FLT4: variants seen among roughly 807,000 people sequenced by gnomAD.
The protein encoded by FLT4 is fms related receptor tyrosine kinase 4.
A neutral mutation model predicts 163.2 loss-of-function variants in FLT4; 30 were observed. The ratio of observed to expected loss-of-function variants is 0.18; its 90% confidence interval spans 0.14 to 0.25. FLT4 has a LOEUF of 0.25. FLT4 is among the 10% of genes least tolerant of loss of function. The pLI is 1.00. For missense variants in FLT4, 1,510 were observed against 1,863.8 expected, an observed-to-expected ratio of 0.81 and a Z score of 3.50; for synonymous variants, 884 against 789.5, an observed-to-expected ratio of 1.12 and a Z score of -2.01.
intron 23 of FLT4, among the ~76,000 whole-genome samples, chr5:180,614,707 C>T (rs1762503012): frequency 1.0e-5 from 1 of 97,090 alleles, no homozygotes; most frequent in South Asian, 3.2e-4. Context: ...CTGGACTGGC[C>T]TCTACCTCCA....
chr5:180,618,610 T>A (rs561000494), intron 21 of FLT4, among the ~76,000 whole-genome samples, 160 bp downstream of exon 21: 1 of 152,306 alleles, frequency 6.6e-6, no homozygotes, highest in South Asian at 2.1e-4. Context: ...AAAACATCTG[T>A]GTGAAAATTG....
intron 1 of FLT4, among the ~76,000 whole-genome samples, chr5:180,642,899 T>C (rs1422783620): frequency 6.6e-6 from 1 of 152,238 alleles, no homozygotes; most frequent in East Asian, 1.9e-4. Flanking sequence ...CACCGAGCAC[T>C]GTCCATGTGA....
At position 180,649,449 on chromosome 5, in the gene FLT4, G is replaced by C. The variant is rs2127879207; in HGVS notation, c.58+39C>G. ...GTGCGCGGTACCCCCTCCCCGGCCAGCCCCACGCTCGGGCGGGTGGCCCGT... is the reference window on the plus strand; with the variant it reads ...GTGCGCGGTACCCCCTCCCCGGCCACCCCCACGCTCGGGCGGGTGGCCCGT... On this transcript the variant is annotated intron_variant, in intron 1 of 29. Transcript: ENST00000261937. The C allele has an allele frequency of 2.8e-6, 4 of 1,425,938 alleles. No individual in the cohort carries two copies. In the South Asian group the frequency reaches 5.2e-5, roughly 19 times the overall value. The allele number at this position is 1,425,938 out of a possible 1,614,324, so 88.3% of individuals were successfully genotyped here. A position where few individuals can be genotyped will look rare whatever the true frequency, so the allele number is the denominator to read the frequency against.
intron 12 of FLT4, 80 bp downstream of exon 12, chr5:180,622,651 A>T: frequency 2.4e-6 from 2 of 839,746 alleles, no homozygotes; most frequent in Non-Finnish European, 4.1e-6. Flanking sequence ...TGTCCCAAAG[A>T]CCCCAGAAAC....
chr5:180,626,069 T>A lies in FLT4; in HGVS notation c.1259-38A>T, dbSNP rs757697697. The A allele has an allele frequency of 6.2e-6, 10 of 1,612,570 alleles. No homozygotes were observed. The Admixed American group carries it at 1.5e-4, about 24-fold the overall frequency. On this transcript the variant is annotated intron_variant, in intron 9 of 29. Coordinates refer to ENST00000261937, the MANE Select transcript of FLT4 (RefSeq NM_182925.5). ...AGATGGCCGGTCAGCTGGCCTCCAA[T>A]GCCAGGCCGCCCACCCGTGCGCTCT...
intron 8 of FLT4, among the ~76,000 whole-genome samples, chr5:180,627,652 G>A (rs1032604575): frequency 1.3e-5 from 2 of 152,248 alleles, no homozygotes; most frequent in African/African-American, 2.4e-5. Context: ...TAGGAAGAGA[G>A]CCAGATGTGG....
At chr5:180,638,933 G>A (rs1413439572) in intron 1 of FLT4, among the ~76,000 whole-genome samples, 1 of 148,202 alleles carries the variant, frequency 6.7e-6, no homozygotes, top group African/African-American at 2.5e-5. Flanking sequence ...CCCACCCCAT[G>A]CTTCCCACAG....
At position 180,620,860 on chromosome 5, in the gene FLT4, C is replaced by T. The variant is rs2127813055; in HGVS notation, c.2299+16G>A. 1 of 1,609,642 alleles carries T rather than the reference C, an allele frequency of 6.2e-7. No individual in the cohort carries two copies. Among genetic ancestry groups the T allele is most frequent in the Non-Finnish European group, 8.5e-7 (1 of 1,178,816 alleles). On this transcript the variant is annotated intron_variant, in intron 15 of 29. Transcript: ENST00000261937. The surrounding 1 kb of genome is among the most constrained non-coding windows in gnomAD (Gnocchi z 4.4). Reference sequence around the variant, plus strand: ...GGGACGGGAAGGGAGTTGAGGGGTGCAGCCTGAGGCCAGACCTTCCACGGC... The same window carrying T: ...GGGACGGGAAGGGAGTTGAGGGGTGTAGCCTGAGGCCAGACCTTCCACGGC...
In FLT4 at chr5:180,603,259, T is replaced by G. The variant is rs1051858320; in HGVS notation, c.4025A>C (p.Glu1342Ala). ...GGAGCAGTGGTCCTCCTCGCTTGGC[T>G]CCGACAGCTCCCCATACTCGCTGTT... is the stretch of plus-strand genomic sequence containing the variant. Reference protein sequence around the residue: ...FYNSEYGELSEPSEEDHCSPS... With the variant: ...FYNSEYGELSAPSEEDHCSPS... Residue 1342 changes from glutamate to alanine, a missense_variant, in exon 30 of 30, where the codon GAG becomes GCG. Physicochemically the swap from Glu to Ala is moderately radical, Grantham distance 107. This residue lies in a region of FLT4 where 295 missense variants were observed against 311.0 expected (regional missense o/e 0.95). Coordinates refer to ENST00000261937, the MANE Select transcript of FLT4 (RefSeq NM_182925.5). 3.1e-6 allele frequency: 5 copies of G among 1,614,078 alleles called. No homozygotes were observed. In the African/African-American group the frequency reaches 6.7e-5, roughly 22 times the overall value.
intron 24 of FLT4, chr5:180,613,833 A>G: frequency 1.7e-6 from 1 of 583,650 alleles, no homozygotes; most frequent in South Asian, 1.8e-5. Context: ...GTCCTGGCTC[A>G]GGCTTCAATG....
intron 1 of FLT4, among the ~76,000 whole-genome samples, chr5:180,649,187 C>T (rs1269024560): frequency 1.3e-5 from 2 of 151,850 alleles, no homozygotes; most frequent in African/African-American, 4.8e-5. Flanking sequence ...CGGCAGGGCC[C>T]GGCTCCGAGG....
chr5:180,604,287 T>G (rs982838844), intron 29 of FLT4, among the ~76,000 whole-genome samples: 1 of 152,136 alleles, frequency 6.6e-6, no homozygotes, highest in East Asian at 1.9e-4. Flanking sequence ...CCTCAGCCGC[T>G]CAAGCCAAGC....
In FLT4 at chr5:180,621,681, C is replaced by T. The variant is rs149424900; in HGVS notation, c.1881G>A (p.Val627=). 1.0e-4 allele frequency: 162 copies of T among 1,611,578 alleles called. No individual in the cohort carries two copies. The highest frequency in any genetic ancestry group is 1.2e-4 in the Non-Finnish European group (145 of 1,179,028). The change falls in exon 13 of 30, where the codon GTG becomes GTA. Residue 627 remains valine (V), a synonymous_variant. Coordinates refer to ENST00000261937, the MANE Select transcript of FLT4 (RefSeq NM_182925.5). ...ATPLAASLEE[V]APGARHATLS... ...GCGTGGCGTGGCGCGCCCCAGGTGC[C>T]ACCTCCTCCAGGCTGGCGGCCAGAG...
intron 27 of FLT4, 141 bp from the exon 28 acceptor site, chr5:180,610,166 T>A: frequency 8.4e-7 from 1 of 1,186,698 alleles, no homozygotes; most frequent in Non-Finnish European, 1.2e-6. Context: ...TGGGCCTGAG[T>A]GCTGGCAGGG....
In FLT4 at chr5:180,629,030, A is replaced by AGGACTGACCCGTCGT. The variant is rs775335408; in HGVS notation, c.986-46_986-32dup. Reference sequence around the variant, plus strand: ...GGACAGGAGAAGTCACTGTAAATCCAGGACTGACCCGTCGTGGACTGACCA... The same window carrying AGGACTGACCCGTCGT: ...GGACAGGAGAAGTCACTGTAAATCCAGGACTGACCCGTCGTGGACTGACCCGTCGTGGACTGACCA... On this transcript the variant is annotated intron_variant, in intron 7 of 29. Transcript: ENST00000261937. The AGGACTGACCCGTCGT allele has an allele frequency of 2.4e-4, 383 of 1,579,502 alleles. No individual in the cohort carries two copies. In the African/African-American group the frequency reaches 4.1e-3, roughly 17 times the overall value.
chr5:180,621,670 G>A lies in FLT4; in HGVS notation c.1892C>T (p.Ala631Val), dbSNP rs1362559080. The A allele has an allele frequency of 3.1e-6, 5 of 1,610,010 alleles. No homozygotes were observed. Among genetic ancestry groups the A allele is most frequent in the African/African-American group, 1.3e-5 (1 of 74,874 alleles). The change falls in exon 13 of 30, where the codon GCG (alanine) becomes GTG (valine). Residue 631 changes from alanine (A) to valine (V), a missense_variant. Ala to Val is a moderately conservative substitution (Grantham distance 64). Transcript: ENST00000261937. ...ACTCAGGCTGAGCGTGGCGTGGCGCGCCCCAGGTGCCACCTCCTCCAGGCT... is the reference window on the plus strand; with the variant it reads ...ACTCAGGCTGAGCGTGGCGTGGCGCACCCCAGGTGCCACCTCCTCCAGGCT... The part of the protein sequence containing the change: ...AASLEEVAPG[A>V]RHATLSLSIP...
rs867132509 is a variant in FLT4 at position 180,613,024 on chromosome 5, C to T, written c.3418G>A (p.Ala1140Thr). Residue 1140 changes from alanine to threonine, a missense_variant, in exon 25 of 30, where the codon GCC (alanine) becomes ACC (threonine). Ala to Thr is a moderately conservative substitution (Grantham distance 58, BLOSUM62 0). Coordinates refer to ENST00000261937, the MANE Select transcript of FLT4 (RefSeq NM_182925.5). The part of the protein sequence containing the change: ...DGTRMRAPEL[A>T]TPAIRRIMLN... ...GGGGAGGCTCACATGGCGGGAGTGG[C>T]CAGCTCCGGGGCCCTCATCCTTGTG... 6.2e-7 allele frequency: 1 copy of T among 1,612,332 alleles called. No individual in the cohort carries two copies. The highest frequency in any genetic ancestry group is 8.5e-7 in the Non-Finnish European group (1 of 1,178,900).
intron 29 of FLT4, among the ~76,000 whole-genome samples, chr5:180,604,108 AAC>A (rs1395622298): frequency 6.6e-6 from 1 of 152,126 alleles, no homozygotes; most frequent in East Asian, 1.9e-4. Context: ...GACTTCAGAA[AAC>A]ACACACAGAC....
chr5:180,644,947 T>C (rs1238131003), intron 1 of FLT4, among the ~76,000 whole-genome samples: 1 of 152,224 alleles, frequency 6.6e-6, no homozygotes, highest in African/African-American at 2.4e-5. Flanking sequence ...AGCAGCACCG[T>C]CTGCCCGGAG....
Sources: gnomAD v4.1 joint callset for allele counts (sites outside exome capture counted in the v4.1 genomes callset) on GRCh38, gnomAD v4.1.1 for gene constraint, gnomAD v4.1.1 regional missense constraint, Gnocchi (gnomAD v3.1) non-coding constraint, MANE v1.5 for transcripts, NCBI Gene and HGNC (gene_info 2026-07-23, HGNC 2026-07-21) for gene names.